TIAM1: variants seen among roughly 807,000 people sequenced by gnomAD.
The protein encoded by TIAM1 is rho guanine nucleotide exchange factor TIAM1.
A neutral mutation model predicts 163.5 loss-of-function variants in TIAM1; 65 were observed. The ratio of observed to expected loss-of-function variants is 0.40; its 90% confidence interval spans 0.33 to 0.49. The LOEUF is 0.49. Among genes scored for constraint, TIAM1 ranks in the 20% least tolerant of loss-of-function variants. TIAM1 has a pLI of 0.77. For missense variants in TIAM1, 1,789 were observed against 2,044.7 expected (o/e 0.87, Z 2.41); for synonymous variants, 833 against 810.1 (o/e 1.03, Z -0.48).
intron 3 of TIAM1, among the ~76,000 whole-genome samples, chr21:31,267,641 A>T (rs75472715): frequency 0.047 from 7,156 of 151,980 alleles, 213 homozygotes; most frequent in Non-Finnish European, 0.065. Flanking sequence ...AATTAAAAAA[A>T]AAAAGCTTTG....
intron 2 of TIAM1, among the ~76,000 whole-genome samples, chr21:31,432,921 G>T (rs1259438749): frequency 6.6e-6 from 1 of 152,152 alleles, no homozygotes; most frequent in East Asian, 1.9e-4. Context: ...AACTCTAATG[G>T]CTGGATGAAT....
intron 15 of TIAM1, among the ~76,000 whole-genome samples, chr21:31,177,750 C>T (rs1278905172): frequency 1.3e-5 from 2 of 152,198 alleles, no homozygotes; most frequent in African/African-American, 4.8e-5. Flanking sequence ...AATAATCCAA[C>T]TTTGAAAGCT....
chr21:31,320,668 TC>T (rs2075279864), intron 2 of TIAM1, among the ~76,000 whole-genome samples: 1 of 152,042 alleles, frequency 6.6e-6, no homozygotes, highest in South Asian at 2.1e-4. Flanking sequence ...TCCCTCTACC[TC>T]TCAGAGCCTC....
chr21:31,196,351 G>A (rs1434240603), intron 12 of TIAM1, among the ~76,000 whole-genome samples: 1 of 144,008 alleles, frequency 6.9e-6, no homozygotes, highest in South Asian at 2.2e-4. Context: ...TTGCTCTGTT[G>A]CCCAGGCTGG....
intron 4 of TIAM1, among the ~76,000 whole-genome samples, chr21:31,261,265 T>TTC (rs2072455864): frequency 1.3e-5 from 2 of 149,136 alleles, no homozygotes; most frequent in South Asian, 4.2e-4. Flanking sequence ...CCAAGTCCTT[T>TTC]TTTTTTTTTT....
intron 1 of TIAM1, among the ~76,000 whole-genome samples, chr21:31,481,402 T>C (rs62221290): frequency 0.25 from 37,725 of 152,054 alleles, 5,228 homozygotes; most frequent in African/African-American, 0.38. Flanking sequence ...ACTCTCTGGA[T>C]GCCAACTGAG....
intron 2 of TIAM1, among the ~76,000 whole-genome samples, chr21:31,463,774 C>T (rs936699487): frequency 4.0e-5 from 6 of 148,754 alleles, no homozygotes; most frequent in Non-Finnish European, 7.4e-5. Flanking sequence ...GCCAAGATAG[C>T]GCCATTGCAC....
rs35494700 is a variant in TIAM1, at chr21:31,245,372, T to TAAA, written c.1584+113_1584+115dup. On this transcript the variant is annotated intron_variant, in intron 6 of 27. Coordinates refer to ENST00000541036, the MANE Select transcript of TIAM1 (RefSeq NM_001353694.2). ...ATGAGCAACAGATTAATCTCACCAC[T>TAAA]AAAAAAAAAAAAAAAAAAAAAAAAA... The TAAA allele has an allele frequency of 9.2e-4, 192 of 209,730 alleles. 3 individuals carry two copies. Among genetic ancestry groups the TAAA allele is most frequent in the African/African-American group, 4.1e-3 (88 of 21,454 alleles). The allele number at this position is 209,730 out of a possible 1,614,324, so 13.0% of individuals were successfully genotyped here.
Position 31,146,988 on chromosome 21 carries a change from G to C in TIAM1, c.3382C>G (p.Leu1128Val), listed in dbSNP as rs1344857159. 28 of 1,613,754 alleles carry C rather than the reference G, an allele frequency of 1.7e-5. No individual in the cohort carries two copies. The highest frequency in any genetic ancestry group is 2.4e-5 in the Non-Finnish European group (28 of 1,179,834). ...VDQFKKVLFS[L>V]GGSFLYYADR... ...GCATAATACAGGAATGATCCCCCCA[G>C]AGAGAACAGCACTTTCTGGATTTGA... The change falls in exon 20 of 28, where the codon CTG becomes GTG. Residue 1128 changes from leucine to valine, a missense_variant. Physicochemically the swap from Leu to Val is conservative, Grantham distance 32. Transcript: ENST00000541036.
At chr21:31,540,193 T>C (rs149550561) in intron 1 of TIAM1, among the ~76,000 whole-genome samples, 73 of 151,918 alleles carry the variant, frequency 4.8e-4, no homozygotes, top group African/African-American at 1.8e-3. Context: ...CAAGTCTACC[T>C]TGGCCAACGT....
chr21:31,121,294 G>A (rs1291384015), intron 27 of TIAM1, among the ~76,000 whole-genome samples: 1 of 152,170 alleles, frequency 6.6e-6, no homozygotes, highest in African/African-American at 2.4e-5. Context: ...GGCTGTCCCA[G>A]GGTTGTTTAG....
chr21:31,158,349 C>G (rs563260687), intron 16 of TIAM1, among the ~76,000 whole-genome samples: 1 of 152,076 alleles, frequency 6.6e-6, no homozygotes, highest in South Asian at 2.1e-4. Flanking sequence ...TTATTAGGTA[C>G]GACCTAGGCC....
In TIAM1 at chr21:31,141,313, G is replaced by A. The variant is rs779637714; in HGVS notation, c.3655+12C>T. On this transcript the variant is annotated intron_variant, in intron 21 of 27. Transcript: ENST00000541036. This position sits in a 1 kb window ranked among gnomAD's most constrained non-coding sequence, Gnocchi z 4.7. The stretch of plus-strand genomic sequence containing the variant: ...GACTCAGGCCTGCCGGGGGTCCCAG[G>A]CCGAGGCCTACCGTCCAGGTGGTAG... 1.9e-6 allele frequency: 3 copies of A among 1,613,842 alleles called. No individual in the cohort carries two copies. Among genetic ancestry groups the A allele is most frequent in the Non-Finnish European group, 2.5e-6 (3 of 1,179,840 alleles).
chr21:31,372,226 G>T (rs983489805), intron 2 of TIAM1, among the ~76,000 whole-genome samples: 12 of 152,134 alleles, frequency 7.9e-5, no homozygotes, highest in African/African-American at 2.9e-4. Context: ...AACATCATCA[G>T]ATTTTGTCAT....
At chr21:31,525,983 G>A (rs372991797) in intron 1 of TIAM1, among the ~76,000 whole-genome samples, 2 of 148,040 alleles carry the variant, frequency 1.4e-5, no homozygotes, top group South Asian at 2.1e-4. Context: ...GCAGTGAGCC[G>A]AGATCACGCC....
chr21:31,539,377 T>A (rs1330877697), intron 1 of TIAM1, among the ~76,000 whole-genome samples: 1 of 150,782 alleles, frequency 6.6e-6, no homozygotes, highest in Non-Finnish European at 1.5e-5. Flanking sequence ...GCCATTCTCC[T>A]GCCTCAGCCT....
At chr21:31,409,721 C>T (rs1602210355) in intron 2 of TIAM1, among the ~76,000 whole-genome samples, 1 of 145,640 alleles carries the variant, frequency 6.9e-6, no homozygotes, top group Non-Finnish European at 1.5e-5. Context: ...TCCTCCAGTG[C>T]CTTGCGGCCT....
intron 2 of TIAM1, among the ~76,000 whole-genome samples, chr21:31,425,948 G>T (rs111257731): frequency 0.028 from 4,297 of 152,152 alleles, 190 homozygotes; most frequent in African/African-American, 0.097. Context: ...GGCCAGGCTG[G>T]TCTCAAACTC....
At chr21:31,212,186 G>C (rs1334653340) in intron 10 of TIAM1, among the ~76,000 whole-genome samples, 2 of 152,108 alleles carry the variant, frequency 1.3e-5, no homozygotes, top group African/African-American at 4.8e-5. Context: ...TGTGTATGAA[G>C]GAAAGAAAAG....
Sources: gnomAD v4.1 joint callset for allele counts (sites outside exome capture counted in the v4.1 genomes callset) on GRCh38, gnomAD v4.1.1 for gene constraint, Gnocchi (gnomAD v3.1) non-coding constraint, MANE v1.5 for transcripts, NCBI Gene and HGNC (gene_info 2026-07-23, HGNC 2026-07-21) for gene names.